The following HCRTR2 variants were observed in gnomAD, a reference collection of about 807,000 sequenced individuals.
HCRTR2 encodes the protein hypocretin receptor 2.
HCRTR2 carries 22 observed loss-of-function variants against 49.0 expected under a neutral mutation model. That is an observed-to-expected ratio of 0.45 (90% CI 0.32 to 0.64). The LOEUF is 0.64. Among genes scored for constraint, HCRTR2 ranks in the 30% least tolerant of loss-of-function variants. The probability of loss-of-function intolerance (pLI) is 0.04; values close to 1 mark genes in which losing one functional copy is unlikely to be tolerated. For missense variants in HCRTR2, 491 were observed against 559.4 expected (o/e 0.88, Z 1.23); for synonymous variants, 236 against 205.3 (o/e 1.15, Z -1.28).
chr6:55,193,926 A>T (rs1765364602), intron 1 of HCRTR2, among the ~76,000 whole-genome samples: 1 of 152,162 alleles, frequency 6.6e-6, no homozygotes, highest in Non-Finnish European at 1.5e-5. Flanking sequence ...GCAATGAAAC[A>T]GAAAAGGGAG....
chr6:55,151,467 T>C (rs57112455), intron 1 of HCRTR2, among the ~76,000 whole-genome samples: 1,975 of 152,084 alleles, frequency 0.013, 46 homozygotes, highest in African/African-American at 0.045. Context: ...CAGATCATCT[T>C]GTAAAGATTT....
chr6:55,270,356 T>C (rs911611849), intron 4 of HCRTR2, among the ~76,000 whole-genome samples: 1 of 152,208 alleles, frequency 6.6e-6, no homozygotes, highest in African/African-American at 2.4e-5. Flanking sequence ...GCCACAGTTA[T>C]ACAAGTTTCT....
At position 55,174,755 on chromosome 6, in the gene HCRTR2, C is replaced by T. The variant is rs1198629956; in HGVS notation, c.168C>T (p.Val56=). The stretch of plus-strand genomic sequence containing the variant: ...TGCACCCGAAAGAATATGAGTGGGT[C>T]CTGATCGCCGGGTACATCATCGTGT... ...EYLHPKEYEW[V]LIAGYIIVFV... is the part of the protein sequence containing the mutation. Residue 56 remains valine (V), a synonymous_variant, in exon 1 of 7, where the codon GTC becomes GTT. Coordinates refer to ENST00000370862, the MANE Select transcript of HCRTR2 (RefSeq NM_001384272.1). The T allele has an allele frequency of 2.5e-6, 4 of 1,614,022 alleles. No individual in the cohort carries two copies. In the South Asian group the frequency reaches 3.3e-5, roughly 13 times the overall value.
At chr6:55,137,078 A>C (rs1180900125) in intron 1 of HCRTR2, among the ~76,000 whole-genome samples, 1 of 152,230 alleles carries the variant, frequency 6.6e-6, no homozygotes, top group African/African-American at 2.4e-5. Flanking sequence ...GTGGGTAAGC[A>C]TTAGGAGCCT....
At chr6:55,227,235 T>G (rs924205510) in intron 1 of HCRTR2, among the ~76,000 whole-genome samples, 35 of 152,160 alleles carry the variant, frequency 2.3e-4, no homozygotes, top group African/African-American at 8.2e-4. Context: ...TATTGACAAA[T>G]ATGTATTGAT....
At chr6:55,258,435 G>A (rs1242439546) in intron 3 of HCRTR2, among the ~76,000 whole-genome samples, 1 of 151,512 alleles carries the variant, frequency 6.6e-6, no homozygotes. Context: ...CAAAATAACT[G>A]AGAACTCTGT....
rs562777665 is a variant in HCRTR2 at position 55,236,840 on chromosome 6, A to T, written c.224-11799A>T. Among the ~76,000 whole-genome samples the T allele has an allele frequency of 2.6e-5, 4 of 152,176 alleles. No individual in the cohort carries two copies. The East Asian group carries it at 7.7e-4, about 29-fold the overall frequency. On this transcript the variant is annotated intron_variant, in intron 1 of 6. Coordinates refer to ENST00000370862, the MANE Select transcript of HCRTR2 (RefSeq NM_001384272.1). ...CTTATATCTACAAATATATACCTTT[A>T]ATTCGTTTTGAAAAATTCTTAGATA...
At chr6:55,134,774 T>C (rs1355322589) in intron 1 of HCRTR2, among the ~76,000 whole-genome samples, 2 of 152,058 alleles carry the variant, frequency 1.3e-5, no homozygotes, top group African/African-American at 4.8e-5. Context: ...CATAATGTCC[T>C]CCAGGTTCAT....
At chr6:55,152,421 ATT>A (rs1447119888) in intron 1 of HCRTR2, among the ~76,000 whole-genome samples, 1 of 151,740 alleles carries the variant, frequency 6.6e-6, no homozygotes, top group Non-Finnish European at 1.5e-5. Flanking sequence ...TTTAATTGGT[ATT>A]TTTTTGTTTA....
chr6:55,191,559 G>A (rs1374173570), intron 1 of HCRTR2, among the ~76,000 whole-genome samples: 1 of 152,110 alleles, frequency 6.6e-6, no homozygotes, highest in Non-Finnish European at 1.5e-5. Flanking sequence ...AAATACTGGT[G>A]CTGATTTAGT....
intron 5 of HCRTR2, among the ~76,000 whole-genome samples, 162 bp downstream of exon 5, chr6:55,277,762 C>T (rs1470170975): frequency 1.3e-5 from 2 of 151,212 alleles, no homozygotes; most frequent in Non-Finnish European, 1.5e-5. Context: ...GCAGGTAAGG[C>T]GAACAGCCTT....
intron 1 of HCRTR2, among the ~76,000 whole-genome samples, chr6:55,145,416 TG>T (rs1211610620): frequency 1.1e-3 from 54 of 50,028 alleles, no homozygotes; most frequent in East Asian, 4.8e-3. Context: ...TTTTTTTGTT[TG>T]TTTTTTTTTT....
chr6:55,118,389 G>T (rs149714228), intron 1 of HCRTR2, among the ~76,000 whole-genome samples: 6,537 of 151,998 alleles, frequency 0.043, 161 homozygotes, highest in Non-Finnish European at 0.045. Flanking sequence ...ATAATAGAAT[G>T]ATTTATATTC....
chr6:55,284,606 G>A (rs919809514), downstream of HCRTR2, among the ~76,000 whole-genome samples: 3 of 152,014 alleles, frequency 2.0e-5, no homozygotes, highest in African/African-American at 2.4e-5. Flanking sequence ...TACCGTCAAC[G>A]TGGTTGGATG....
intron 5 of HCRTR2, among the ~76,000 whole-genome samples, chr6:55,279,125 A>G (rs1767137458): frequency 6.6e-6 from 1 of 151,872 alleles, no homozygotes; most frequent in Non-Finnish European, 1.5e-5. Context: ...GGGGCATTCT[A>G]CTCTTTTCCA....
chr6:55,217,461 A>T (rs540205290), intron 1 of HCRTR2, among the ~76,000 whole-genome samples: 2 of 152,258 alleles, frequency 1.3e-5, no homozygotes, highest in East Asian at 1.9e-4. Flanking sequence ...CAGCATCATG[A>T]ATGCTTTGCT....
intron 1 of HCRTR2, among the ~76,000 whole-genome samples, chr6:55,207,079 A>C (rs1765614885): frequency 6.6e-6 from 1 of 151,890 alleles, no homozygotes; most frequent in Admixed American, 6.5e-5. Flanking sequence ...TATAAATCTA[A>C]GAATCTTTGC....
chr6:55,135,854 G>T (rs1003180779), intron 1 of HCRTR2, among the ~76,000 whole-genome samples: 1 of 152,130 alleles, frequency 6.6e-6, no homozygotes, highest in East Asian at 1.9e-4. Context: ...TCTAAGGACC[G>T]CAGTAGCGTT....
chr6:55,192,921 G>A (rs1765345023), intron 1 of HCRTR2, among the ~76,000 whole-genome samples: 1 of 152,158 alleles, frequency 6.6e-6, no homozygotes. Context: ...TTTGGATAAT[G>A]GCTACAAGGT....
Sources: allele counts gnomAD v4.1 joint callset (sites outside exome capture counted in the v4.1 genomes callset), GRCh38; gene constraint gnomAD v4.1.1; transcripts MANE v1.5; gene names NCBI Gene and HGNC (gene_info 2026-07-23, HGNC 2026-07-21).